Variants in ABCC1 observed in about 807,000 individuals in gnomAD.
ABCC1 encodes multidrug resistance-associated protein 1.
Under a neutral mutation model 172.9 loss-of-function variants are expected in ABCC1, and 83 were observed. That is an observed-to-expected ratio of 0.48 (90% CI 0.40 to 0.58). The LOEUF is 0.58. ABCC1 is among the 20% of genes least tolerant of loss of function. The pLI is 0.00. For missense variants in ABCC1, 1,817 were observed against 2,002.7 expected, an observed-to-expected ratio of 0.91 and a Z score of 1.77; for synonymous variants, 937 against 825.2, an observed-to-expected ratio of 1.14 and a Z score of -2.32.
intron 1 of ABCC1, among the ~76,000 whole-genome samples, chr16:15,958,004 C>T (rs1036543460): frequency 2.0e-5 from 3 of 152,358 alleles, no homozygotes; most frequent in African/African-American, 2.4e-5. Flanking sequence ...GGTAGCGGTC[C>T]GCTGAGGCTG....
intron 5 of ABCC1, among the ~76,000 whole-genome samples, chr16:16,018,430 TCCCA>T (rs1470739641): frequency 2.6e-5 from 4 of 152,188 alleles, no homozygotes; most frequent in African/African-American, 9.6e-5. Flanking sequence ...ATGCTTGTAA[TCCCA>T]GCTAGTCGGG....
At chr16:15,957,173 G>A (rs1180062934) in intron 1 of ABCC1, among the ~76,000 whole-genome samples, 1 of 151,624 alleles carries the variant, frequency 6.6e-6, no homozygotes, top group Non-Finnish European at 1.5e-5. Context: ...TCAACCTCCT[G>A]AGCTCAAGCA....
intron 1 of ABCC1, among the ~76,000 whole-genome samples, chr16:15,977,023 A>G (rs1261772142): frequency 6.6e-6 from 1 of 152,028 alleles, no homozygotes; most frequent in Admixed American, 6.5e-5. Context: ...GCTGGCCAGG[A>G]TGGGGAGTGA....
chr16:16,065,336 C>T (rs897060112), intron 12 of ABCC1, among the ~76,000 whole-genome samples: 2 of 152,202 alleles, frequency 1.3e-5, no homozygotes, highest in African/African-American at 4.8e-5. Flanking sequence ...TAATAGCTCA[C>T]TGCAGCCTCG....
At chr16:16,060,784 C>T (rs183497535) in intron 12 of ABCC1, among the ~76,000 whole-genome samples, 24 of 151,756 alleles carry the variant, frequency 1.6e-4, no homozygotes, top group Non-Finnish European at 3.1e-4. Context: ...GATCTCCCAA[C>T]GTGCTGGGAT....
chr16:16,141,088 A>C, intron 30 of ABCC1, 85 bp from the exon 31 acceptor site: 6 of 1,182,390 alleles, frequency 5.1e-6, no homozygotes, highest in Non-Finnish European at 7.5e-6. Context: ...GACCCGAAGC[A>C]GTGACTTGCC....
At chr16:16,106,108 C>G (rs925537051) in intron 20 of ABCC1, among the ~76,000 whole-genome samples, 5 of 151,984 alleles carry the variant, frequency 3.3e-5, no homozygotes, top group African/African-American at 7.3e-5. Context: ...AACTCCTGGC[C>G]TCAAGTGATC....
At chr16:16,016,681 G>T in intron 5 of ABCC1, 60 bp downstream of exon 5, 1 of 1,597,544 alleles carries the variant, frequency 6.3e-7, no homozygotes, top group Non-Finnish European at 8.5e-7. Flanking sequence ...GCGTGACACA[G>T]TACCAGCTAA....
At chr16:16,069,613 A>C (rs1301856936) in intron 13 of ABCC1, among the ~76,000 whole-genome samples, 2 of 152,116 alleles carry the variant, frequency 1.3e-5, no homozygotes, top group Non-Finnish European at 2.9e-5. Context: ...TTGGTAGTAC[A>C]AGGCTGATAG....
intron 11 of ABCC1, among the ~76,000 whole-genome samples, chr16:16,053,424 C>CT (rs1158499502): frequency 6.6e-6 from 1 of 151,866 alleles, no homozygotes; most frequent in African/African-American, 2.4e-5. Context: ...CGGCTTTCAG[C>CT]TTTTTATTTT....
intron 3 of ABCC1, among the ~76,000 whole-genome samples, chr16:16,011,182 G>A (rs965526613): frequency 2.6e-5 from 4 of 152,106 alleles, no homozygotes; most frequent in Admixed American, 2.0e-4. Context: ...GCAGTAAGCC[G>A]AGATCGCACC....
chr16:16,095,428 CTG>C (rs1161378947), intron 19 of ABCC1, among the ~76,000 whole-genome samples: 2 of 152,220 alleles, frequency 1.3e-5, no homozygotes, highest in African/African-American at 4.8e-5. Context: ...GATGTCAAAA[CTG>C]GAGTGGGGTT....
At position 16,124,335 on chromosome 16, in the gene ABCC1, G is replaced by GTGTGTGTGTGTA. The variant is rs1555502585; in HGVS notation, c.3591-443_3591-442insATGTGTGTGTGT. Among the ~76,000 whole-genome samples the GTGTGTGTGTGTA allele has an allele frequency of 2.7e-3, 240 of 87,976 alleles. 22 individuals carry two copies. Among genetic ancestry groups the GTGTGTGTGTGTA allele is most frequent in the African/African-American group, 9.5e-3 (214 of 22,450 alleles). 57.7% of individuals were successfully genotyped at this position (87,976 alleles called of 152,430 possible). The stretch of plus-strand genomic sequence containing the variant: ...ATGCACTGTGTGTGTGTGTGTGTGT[G>GTGTGTGTGTGTA]TGTGTGTGTGTGTGATTATAGGAGT... On this transcript the variant is annotated intron_variant, in intron 24 of 30. Coordinates refer to ENST00000399410, the MANE Select transcript of ABCC1 (RefSeq NM_004996.4).
intron 7 of ABCC1, among the ~76,000 whole-genome samples, chr16:16,039,434 AT>A (rs2048891880): frequency 6.6e-6 from 1 of 150,932 alleles, no homozygotes; most frequent in South Asian, 2.1e-4. Context: ...CGCCTGACTA[AT>A]TTTTTGTATT....
chr16:15,983,728 G>A (rs1400717354), intron 1 of ABCC1, among the ~76,000 whole-genome samples: 1 of 151,780 alleles, frequency 6.6e-6, no homozygotes, highest in Non-Finnish European at 1.5e-5. Context: ...GCTAATTTTG[G>A]TATTTTTATT....
chr16:16,138,929 C>G (rs894266982), intron 30 of ABCC1, among the ~76,000 whole-genome samples: 1 of 152,170 alleles, frequency 6.6e-6, no homozygotes, highest in African/African-American at 2.4e-5. Context: ...AGGCTGGTCT[C>G]GAACTCCTGA....
intron 21 of ABCC1, among the ~76,000 whole-genome samples, chr16:16,109,130 T>C (rs1359918251): frequency 2.0e-5 from 3 of 152,210 alleles, no homozygotes; most frequent in Non-Finnish European, 4.4e-5. Context: ...AGACCTGTTA[T>C]CTTTCACCTG....
intron 1 of ABCC1, among the ~76,000 whole-genome samples, chr16:15,951,068 T>A (rs2045860432): frequency 6.6e-6 from 1 of 151,590 alleles, no homozygotes. Flanking sequence ...GGTCTGGGGG[T>A]GATTGGAGCC....
chr16:15,950,754 T>G (rs1008779830), intron 1 of ABCC1, among the ~76,000 whole-genome samples: 2 of 152,140 alleles, frequency 1.3e-5, no homozygotes, highest in Non-Finnish European at 2.9e-5. Context: ...GACACGACTG[T>G]TTCTCTCTCC....
Sources: gnomAD v4.1 joint callset for allele counts (sites outside exome capture counted in the v4.1 genomes callset) on GRCh38, gnomAD v4.1.1 for gene constraint, MANE v1.5 for transcripts, NCBI Gene and HGNC (gene_info 2026-07-23, HGNC 2026-07-21) for gene names.